NAV2: variants seen among roughly 807,000 people sequenced by gnomAD.
The protein encoded by NAV2 is neuron navigator 2.
Under a neutral mutation model 223.2 loss-of-function variants are expected in NAV2, and 54 were observed. The observed-to-expected ratio is 0.24, with a 90% CI of 0.19 to 0.30. NAV2 has a LOEUF of 0.30. NAV2 is among the 10% of genes least tolerant of loss of function. NAV2 has a pLI of 1.00. For missense variants in NAV2, 2,806 were observed against 3,147.5 expected (o/e 0.89, Z 2.60); for synonymous variants, 1,279 against 1,239.3 (o/e 1.03, Z -0.67).
intron 1 of NAV2, among the ~76,000 whole-genome samples, chr11:19,595,698 A>G (rs2046187831): frequency 6.6e-6 from 1 of 151,064 alleles, no homozygotes; most frequent in Non-Finnish European, 1.5e-5. Context: ...CTGGGACCAC[A>G]GACACACCAC....
intron 1 of NAV2, among the ~76,000 whole-genome samples, chr11:19,807,709 C>T (rs1754295709): frequency 6.6e-6 from 1 of 152,208 alleles, no homozygotes; most frequent in Admixed American, 6.5e-5. Flanking sequence ...AGTTCTCACC[C>T]ACCCACTAGG....
chr11:19,639,199 G>T (rs2047588941), intron 1 of NAV2, among the ~76,000 whole-genome samples: 1 of 152,144 alleles, frequency 6.6e-6, no homozygotes, highest in Non-Finnish European at 1.5e-5. Flanking sequence ...TTTGCTCAAA[G>T]AATCTGGCTT....
chr11:20,115,557 G>A (rs541074643), intron 37 of NAV2, among the ~76,000 whole-genome samples: 4 of 150,012 alleles, frequency 2.7e-5, no homozygotes, highest in Admixed American at 1.3e-4. Context: ...GCGTGAACCC[G>A]GGAGGTGGAG....
chr11:19,650,582 G>C (rs1202300354), intron 1 of NAV2, among the ~76,000 whole-genome samples: 1 of 152,194 alleles, frequency 6.6e-6, no homozygotes, highest in Non-Finnish European at 1.5e-5. Flanking sequence ...ATTTAACCCA[G>C]AGAAATGAAA....
At chr11:19,524,001 C>T (rs2043762475) in intron 1 of NAV2, among the ~76,000 whole-genome samples, 1 of 152,214 alleles carries the variant, frequency 6.6e-6, no homozygotes, top group African/African-American at 2.4e-5. Flanking sequence ...CTTCCAGATA[C>T]TCCAGGCTGG....
chr11:19,648,787 C>T (rs1196280396), intron 1 of NAV2, among the ~76,000 whole-genome samples: 3 of 152,130 alleles, frequency 2.0e-5, no homozygotes, highest in Non-Finnish European at 2.9e-5. Flanking sequence ...CAATTAAATA[C>T]TTGTACAGTT....
At chr11:19,777,609 G>C (rs1182726681) in intron 1 of NAV2, 1 of 442,772 alleles carries the variant, frequency 2.3e-6, no homozygotes, top group African/African-American at 2.0e-5. Context: ...ACTGGCCCGG[G>C]TGGTGGAAAG....
intron 1 of NAV2, among the ~76,000 whole-genome samples, chr11:19,356,994 A>G (rs1434717239): frequency 1.3e-5 from 2 of 152,206 alleles, no homozygotes; most frequent in Non-Finnish European, 2.9e-5. Context: ...TGACAGATTC[A>G]TGTAAATTGC....
intron 2 of NAV2, among the ~76,000 whole-genome samples, chr11:19,835,390 G>T (rs2060174867): frequency 6.6e-6 from 1 of 152,212 alleles, no homozygotes; most frequent in African/African-American, 2.4e-5. Context: ...TGGAAACTCT[G>T]CTCTGTATGT....
chr11:20,081,255 T>C (rs377650298), intron 25 of NAV2, among the ~76,000 whole-genome samples: 36 of 152,358 alleles, frequency 2.4e-4, no homozygotes, highest in South Asian at 1.9e-3. Flanking sequence ...TACTAATGGC[T>C]CTTAGTCAAC....
At chr11:19,680,372 C>T (rs553207240) in intron 1 of NAV2, among the ~76,000 whole-genome samples, 12 of 152,328 alleles carry the variant, frequency 7.9e-5, no homozygotes, top group African/African-American at 2.4e-4. Context: ...TTCCCGTAAC[C>T]GCCTGAGTAA....
intron 19 of NAV2, among the ~76,000 whole-genome samples, chr11:20,059,605 G>T (rs759422782): frequency 2.2e-4 from 33 of 152,126 alleles, no homozygotes; most frequent in Non-Finnish European, 4.0e-4. Context: ...AATGAAAAAA[G>T]AATCAGAAAC....
chr11:19,691,794 G>T (rs1250412763), intron 1 of NAV2, among the ~76,000 whole-genome samples: 3 of 152,154 alleles, frequency 2.0e-5, no homozygotes, highest in Non-Finnish European at 4.4e-5. Context: ...GGGCAAAGAA[G>T]CCCAAAATCC....
At chr11:19,675,965 T>A (rs897281465) in intron 1 of NAV2, among the ~76,000 whole-genome samples, 1 of 152,230 alleles carries the variant, frequency 6.6e-6, no homozygotes, top group Non-Finnish European at 1.5e-5. Flanking sequence ...CAGATATGAT[T>A]GTTATACCCA....
chr11:19,678,647 T>G (rs2048789008), intron 1 of NAV2, among the ~76,000 whole-genome samples: 1 of 152,168 alleles, frequency 6.6e-6, no homozygotes, highest in Non-Finnish European at 1.5e-5. Flanking sequence ...TCAATTGCTA[T>G]CTAGGGTAGA....
At chr11:20,071,106 G>GCCCCCC (rs35206561) in intron 22 of NAV2, among the ~76,000 whole-genome samples, 204 of 128,338 alleles carry the variant, frequency 1.6e-3, no homozygotes, top group Middle Eastern at 3.7e-3. Context: ...CCCTCCCCTA[G>GCCCCCC]CCCCCCACCC....
intron 1 of NAV2, among the ~76,000 whole-genome samples, chr11:19,564,637 T>A (rs925374846): frequency 7.2e-6 from 1 of 138,444 alleles, no homozygotes; most frequent in Non-Finnish European, 1.5e-5. Flanking sequence ...GGGGCCTGAG[T>A]GTCCAGACCT....
intron 3 of NAV2, among the ~76,000 whole-genome samples, chr11:19,847,102 G>A (rs1247627163): frequency 6.6e-6 from 1 of 152,170 alleles, no homozygotes; most frequent in East Asian, 1.9e-4. Context: ...TTCAAGTGGT[G>A]TGTTCAGCAG....
chr11:19,437,708 GAAA>G (rs11399913), intron 1 of NAV2, among the ~76,000 whole-genome samples: 1 of 151,674 alleles, frequency 6.6e-6, no homozygotes, highest in Non-Finnish European at 1.5e-5. Context: ...GTGCCACTCA[GAAA>G]AAAAAGTTAC....
Sources: allele counts gnomAD v4.1 joint callset (sites outside exome capture counted in the v4.1 genomes callset), GRCh38; gene constraint gnomAD v4.1.1; transcripts MANE v1.5; gene names NCBI Gene and HGNC (gene_info 2026-07-23, HGNC 2026-07-21).